DIAPH3: variants seen among roughly 807,000 people sequenced by gnomAD.
The protein encoded by DIAPH3 is diaphanous related formin 3.
In DIAPH3, 117 loss-of-function variants were observed where a neutral mutation model predicts 144.3. That is an observed-to-expected ratio of 0.81 (90% CI 0.70 to 0.95). The LOEUF (loss-of-function observed/expected upper bound fraction) is 0.95. DIAPH3 is among the 40% of genes least tolerant of loss of function. The probability of loss-of-function intolerance (pLI) is 0.00; values close to 1 mark genes in which losing one functional copy is unlikely to be tolerated. For synonymous variants in DIAPH3, 519 were observed against 488.9 expected, an observed-to-expected ratio of 1.06 and a Z score of -0.81; for missense variants, 1,421 against 1,412.7, an observed-to-expected ratio of 1.01 and a Z score of -0.09.
chr13:59,698,048 A>G (rs1321692251), intron 27 of DIAPH3, among the ~76,000 whole-genome samples: 4 of 152,230 alleles, frequency 2.6e-5, no homozygotes, highest in African/African-American at 9.6e-5. Flanking sequence ...ATGTATTGGT[A>G]AAAAGAAAAC....
intron 18 of DIAPH3, among the ~76,000 whole-genome samples, chr13:59,920,245 AAGAC>A (rs1238190718): frequency 1.3e-5 from 2 of 151,920 alleles, no homozygotes; most frequent in African/African-American, 4.8e-5. Context: ...CTCAAATTAA[AAGAC>A]AGAGTGGCTG....
chr13:60,042,713 C>T lies in DIAPH3; in HGVS notation c.603G>A (p.Val201=), dbSNP rs2055770993. 2 of 1,613,564 alleles carry T rather than the reference C, an allele frequency of 1.2e-6. No homozygotes were observed. The highest frequency in any genetic ancestry group is 2.7e-5 in the African/African-American group (2 of 74,904). ...ACCTCACAGGATTGCTGGTCAAAGA[C>T]ACTCGGAGAGACTCCAGGCATGTGA... The part of the protein sequence containing the change: ...RLVTCLESLR[V]SLTSNPVSWV... The change falls in exon 5 of 28, where the codon GTG becomes GTA. Residue 201 remains valine, a synonymous_variant. Coordinates refer to ENST00000400324, the MANE Select transcript of DIAPH3 (RefSeq NM_001042517.2).
intron 22 of DIAPH3, among the ~76,000 whole-genome samples, chr13:59,851,144 C>T (rs868695627): frequency 2.6e-4 from 40 of 152,114 alleles, no homozygotes; most frequent in African/African-American, 8.7e-4. Context: ...ACTGGCAAAC[C>T]GAATCCAGTA....
chr13:60,111,522 G>A lies in DIAPH3; in HGVS notation c.390+488C>T, dbSNP rs150378024. Reference sequence around the variant, plus strand: ...CAGCCAGCATTACCAGCTGAGCTCCGCCTCTTGTCAGATCAGCAGTGGCAT... The same window carrying A: ...CAGCCAGCATTACCAGCTGAGCTCCACCTCTTGTCAGATCAGCAGTGGCAT... On this transcript the variant is annotated intron_variant, in intron 3 of 27. Coordinates refer to ENST00000400324, the MANE Select transcript of DIAPH3 (RefSeq NM_001042517.2). Among the ~76,000 whole-genome samples, 7 of 152,274 alleles carry A rather than the reference G, an allele frequency of 4.6e-5. No individual in the cohort carries two copies. In the East Asian group the frequency reaches 1.2e-3, roughly 25 times the overall value.
chr13:60,067,044 TGA>T (rs1451656976), intron 4 of DIAPH3, among the ~76,000 whole-genome samples: 2 of 152,154 alleles, frequency 1.3e-5, no homozygotes, highest in Non-Finnish European at 2.9e-5. Context: ...TTTGGGAGGC[TGA>T]GACCAGAGGA....
At chr13:59,757,824 T>C (rs1479149487) in intron 27 of DIAPH3, among the ~76,000 whole-genome samples, 1 of 152,168 alleles carries the variant, frequency 6.6e-6, no homozygotes, top group Non-Finnish European at 1.5e-5. Context: ...GTGATAAAAT[T>C]GCATCAAAAT....
intron 18 of DIAPH3, among the ~76,000 whole-genome samples, chr13:59,920,373 A>G (rs1355743515): frequency 1.3e-5 from 2 of 151,898 alleles, no homozygotes; most frequent in Non-Finnish European, 2.9e-5. Context: ...ATGCACATGA[A>G]AACCGAAAAA....
chr13:60,112,693 T>G (rs537156514), intron 2 of DIAPH3, among the ~76,000 whole-genome samples: 2 of 152,328 alleles, frequency 1.3e-5, no homozygotes, highest in African/African-American at 4.8e-5. Context: ...CTTAGTGGCC[T>G]GATAAACTAT....
At chr13:59,721,524 T>A (rs2035344425) in intron 27 of DIAPH3, among the ~76,000 whole-genome samples, 1 of 152,210 alleles carries the variant, frequency 6.6e-6, no homozygotes, top group African/African-American at 2.4e-5. Context: ...TTCATCTGCA[T>A]AAGAACTAGG....
At chr13:59,991,703 G>A (rs2051827382) in intron 11 of DIAPH3, among the ~76,000 whole-genome samples, 1 of 151,902 alleles carries the variant, frequency 6.6e-6, no homozygotes, top group Admixed American at 6.6e-5. Context: ...ATTAACATGC[G>A]ACCCATGAGT....
chr13:59,798,260 T>C (rs1266662376), intron 25 of DIAPH3, among the ~76,000 whole-genome samples: 1 of 152,226 alleles, frequency 6.6e-6, no homozygotes, highest in Non-Finnish European at 1.5e-5. Flanking sequence ...CTGATCCATC[T>C]GCGTTTTTGC....
intron 4 of DIAPH3, among the ~76,000 whole-genome samples, chr13:60,044,655 A>G (rs575453662): frequency 6.6e-6 from 1 of 152,334 alleles, no homozygotes; most frequent in African/African-American, 2.4e-5. Flanking sequence ...TACTGTTAAT[A>G]TATTTCTACA....
intron 4 of DIAPH3, among the ~76,000 whole-genome samples, chr13:60,077,256 A>C (rs764834901): frequency 1.3e-5 from 2 of 152,100 alleles, no homozygotes; most frequent in African/African-American, 2.4e-5. Context: ...CGAGCTATAA[A>C]ATCTAAATAG....
chr13:59,788,324 A>G (rs928654930), intron 25 of DIAPH3, among the ~76,000 whole-genome samples: 3 of 152,212 alleles, frequency 2.0e-5, no homozygotes, highest in Non-Finnish European at 2.9e-5. Flanking sequence ...AATTTTTATT[A>G]GAAATAAAAT....
rs534581481 is a variant in DIAPH3, at chr13:59,821,487, A to T, written c.3028-10564T>A. Among the ~76,000 whole-genome samples the T allele has an allele frequency of 3.3e-5, 5 of 152,252 alleles. No homozygotes were observed. In the East Asian group the frequency reaches 9.7e-4, roughly 29 times the overall value. On this transcript the variant is annotated intron_variant, in intron 24 of 27. Coordinates refer to ENST00000400324, the MANE Select transcript of DIAPH3 (RefSeq NM_001042517.2). Reference sequence around the variant, plus strand: ...ACATATTCCTGTAGTGGAACAGGAAAAAAAATTTAAAAAATTAATACTAGT... The same window carrying T: ...ACATATTCCTGTAGTGGAACAGGAATAAAAATTTAAAAAATTAATACTAGT...
chr13:59,974,209 T>C, intron 15 of DIAPH3, 143 bp downstream of exon 15: 3 of 680,302 alleles, frequency 4.4e-6, no homozygotes, highest in Non-Finnish European at 7.5e-6. Flanking sequence ...GACAAAAAAA[T>C]AGCAAAACAC....
At chr13:59,757,267 A>C (rs984751644) in intron 27 of DIAPH3, among the ~76,000 whole-genome samples, 4 of 152,146 alleles carry the variant, frequency 2.6e-5, no homozygotes, top group African/African-American at 9.7e-5. Context: ...ATGTATAAAA[A>C]GATTCAAAAT....
At chr13:59,968,125 C>G (rs1166712446) in intron 17 of DIAPH3, among the ~76,000 whole-genome samples, 6 of 152,094 alleles carry the variant, frequency 3.9e-5, no homozygotes, top group Non-Finnish European at 8.8e-5. Flanking sequence ...TTTATTCAAC[C>G]TTGAATCTCA....
Position 59,981,357 on chromosome 13 carries a change from G to A in DIAPH3, c.1481-498C>T, listed in dbSNP as rs182087314. Among the ~76,000 whole-genome samples the A allele has an allele frequency of 4.4e-4, 66 of 151,414 alleles. No homozygotes were observed. In the South Asian group the frequency reaches 5.4e-3, roughly 12 times the overall value. ...TGCCAAGTGTTGGAGTTGACATGAGGAAACCAATAGTGAAAGCTAAGAACT... is the reference window on the plus strand; with the variant it reads ...TGCCAAGTGTTGGAGTTGACATGAGAAAACCAATAGTGAAAGCTAAGAACT... On this transcript the variant is annotated intron_variant, in intron 13 of 27. Coordinates refer to ENST00000400324, the MANE Select transcript of DIAPH3 (RefSeq NM_001042517.2).
Sources: gnomAD v4.1 joint callset for allele counts (sites outside exome capture counted in the v4.1 genomes callset) on GRCh38, gnomAD v4.1.1 for gene constraint, MANE v1.5 for transcripts, NCBI Gene and HGNC (gene_info 2026-07-23, HGNC 2026-07-21) for gene names.